SPATA16: variants seen among roughly 807,000 people sequenced by gnomAD.
The protein encoded by SPATA16 is spermatogenesis associated 16.
In SPATA16, 36 loss-of-function variants were observed where a neutral mutation model predicts 63.3. That is an observed-to-expected ratio of 0.57 (90% CI 0.44 to 0.75). The LOEUF is 0.75. SPATA16 is among the 30% of genes least tolerant of loss of function. SPATA16 has a pLI of 0.00. For synonymous variants in SPATA16, 203 were observed against 216.7 expected (o/e 0.94, Z 0.56); for missense variants, 646 against 679.3 (o/e 0.95, Z 0.54).
At chr3:172,964,303 A>G (rs1733857574) in intron 5 of SPATA16, among the ~76,000 whole-genome samples, 2 of 152,216 alleles carry the variant, frequency 1.3e-5, no homozygotes, top group Admixed American at 6.5e-5. Context: ...GGCAAAACAT[A>G]TATAACTTAT....
intron 4 of SPATA16, among the ~76,000 whole-genome samples, chr3:172,988,863 C>T (rs181896363): frequency 1.6e-3 from 242 of 152,282 alleles, no homozygotes; most frequent in Middle Eastern, 3.4e-3. Context: ...GTCTCGAACT[C>T]CTGACCCCAG....
intron 3 of SPATA16, among the ~76,000 whole-genome samples, chr3:173,021,140 G>A (rs376696367): frequency 6.6e-6 from 1 of 152,182 alleles, no homozygotes; most frequent in African/African-American, 2.4e-5. Flanking sequence ...TGTCTGGCCT[G>A]TGGATAATCA....
At chr3:172,962,786 G>A (rs1733819815) in intron 5 of SPATA16, among the ~76,000 whole-genome samples, 3 of 151,978 alleles carry the variant, frequency 2.0e-5, no homozygotes, top group Non-Finnish European at 4.4e-5. Context: ...TACCTTTAGT[G>A]TTTAATGGCT....
chr3:172,997,336 T>A (rs2108264150), intron 4 of SPATA16, among the ~76,000 whole-genome samples: 1 of 152,324 alleles, frequency 6.6e-6, no homozygotes, highest in Non-Finnish European at 1.5e-5. Context: ...TATCTCATTA[T>A]TGTTTTAATT....
At chr3:172,993,383 A>G (rs574971450) in intron 4 of SPATA16, among the ~76,000 whole-genome samples, 1 of 152,246 alleles carries the variant, frequency 6.6e-6, no homozygotes, top group South Asian at 2.1e-4. Flanking sequence ...TCCTTGATCA[A>G]TGGCAAATAA....
At position 173,028,005 on chromosome 3, in the gene SPATA16, CCCTCCCTCCCTTCCTTCTTTCCTTCCTT is replaced by C. The variant is rs1211413531; in HGVS notation, c.759-8458_759-8431del. ...TCCCTCCCTCCCTCCCTCCCTCCCT[CCCTCCCTCCCTTCCTTCTTTCCTTCCTT>C]CCTTCCTTCCTTCCTTCCTTCCTTC... On this transcript the variant is annotated intron_variant, in intron 3 of 10. Transcript: ENST00000351008. Among the ~76,000 whole-genome samples the C allele has an allele frequency of 3.2e-3, 189 of 58,420 alleles. 8 individuals are homozygous for C. Among genetic ancestry groups the C allele is most frequent in the African/African-American group, 0.017 (186 of 11,100 alleles). 38.3% of individuals were successfully genotyped at this position (58,420 alleles called of 152,430 possible). A position where few individuals can be genotyped will look rare whatever the true frequency, so the allele number is the denominator to read the frequency against.
intron 4 of SPATA16, among the ~76,000 whole-genome samples, chr3:172,999,751 GT>G (rs1010283056): frequency 1.3e-5 from 2 of 152,038 alleles, no homozygotes; most frequent in African/African-American, 4.8e-5. Flanking sequence ...AAGAATCTTT[GT>G]TTTTCCTACC....
At chr3:172,981,449 C>A (rs1734317184) in intron 4 of SPATA16, among the ~76,000 whole-genome samples, 1 of 152,188 alleles carries the variant, frequency 6.6e-6, no homozygotes, top group African/African-American at 2.4e-5. Context: ...TCTCTGACCT[C>A]ATTTTCAACT....
intron 4 of SPATA16, among the ~76,000 whole-genome samples, chr3:172,978,662 A>G (rs1470881834): frequency 6.6e-6 from 1 of 152,184 alleles, no homozygotes; most frequent in Non-Finnish European, 1.5e-5. Flanking sequence ...TTCAACAAAC[A>G]TTGCTTAAGA....
chr3:172,951,651 G>A (rs1733437048), intron 6 of SPATA16, among the ~76,000 whole-genome samples: 2 of 152,146 alleles, frequency 1.3e-5, no homozygotes, highest in Admixed American at 1.3e-4. Flanking sequence ...GACCTCCATT[G>A]TGAATACTCT....
intron 10 of SPATA16, among the ~76,000 whole-genome samples, chr3:172,897,023 A>C (rs1384238822): frequency 6.6e-6 from 1 of 152,080 alleles, no homozygotes; most frequent in Non-Finnish European, 1.5e-5. Context: ...ATAGACCAAA[A>C]TCCTGTAGAT....
chr3:173,117,002 A>T, intron 2 of SPATA16, 118 bp downstream of exon 2: 3 of 1,047,416 alleles, frequency 2.9e-6, no homozygotes, highest in Non-Finnish European at 4.4e-6. Context: ...TAATATCATT[A>T]CATATCCTCA....
intron 3 of SPATA16, among the ~76,000 whole-genome samples, chr3:173,040,118 T>G (rs745310460): frequency 1.3e-5 from 2 of 152,104 alleles, no homozygotes; most frequent in Admixed American, 6.6e-5. Context: ...CTTCTCTTCT[T>G]CCTCCTCCTT....
chr3:173,129,229 G>A (rs1212997115), intron 1 of SPATA16, among the ~76,000 whole-genome samples: 4 of 152,140 alleles, frequency 2.6e-5, no homozygotes, highest in Admixed American at 1.3e-4. Flanking sequence ...ATTTTTCTTG[G>A]GAGGACGTTC....
At chr3:173,127,561 G>A (rs987784226) in intron 1 of SPATA16, among the ~76,000 whole-genome samples, 1 of 152,112 alleles carries the variant, frequency 6.6e-6, no homozygotes, top group East Asian at 1.9e-4. Flanking sequence ...ATTTTGAAGA[G>A]TACAAGCCAG....
intron 2 of SPATA16, among the ~76,000 whole-genome samples, chr3:173,051,225 C>G (rs1736082274): frequency 1.3e-5 from 2 of 152,224 alleles, no homozygotes; most frequent in Admixed American, 6.5e-5. Context: ...TCTTTTAAGA[C>G]AGAGTCTGGC....
chr3:172,911,856 C>A (rs1420321978), intron 10 of SPATA16, among the ~76,000 whole-genome samples: 1 of 152,218 alleles, frequency 6.6e-6, no homozygotes, highest in Admixed American at 6.5e-5. Flanking sequence ...CAACCCTAAA[C>A]CAAGACACCA....
At chr3:173,025,465 TTG>T (rs1447144111) in intron 3 of SPATA16, among the ~76,000 whole-genome samples, 5 of 151,928 alleles carry the variant, frequency 3.3e-5, no homozygotes, top group Non-Finnish European at 5.9e-5. Flanking sequence ...GTCAGTTTTA[TTG>T]AGTTATAATT....
At position 172,972,063 on chromosome 3, in the gene SPATA16, T is replaced by C. The variant is rs562400368; in HGVS notation, c.933+4905A>G. ...AGCTCCCAGTTTTGTCCCTTGAGAG[T>C]AGGACTAATCACACCAAAGAGATAT... On this transcript the variant is annotated intron_variant, in intron 5 of 10. Transcript: ENST00000351008. Among the ~76,000 whole-genome samples, 4 of 152,218 alleles carry C rather than the reference T, an allele frequency of 2.6e-5. No homozygotes were observed. The South Asian group carries it at 8.3e-4, about 32-fold the overall frequency.
Sources: gnomAD v4.1 joint callset for allele counts (sites outside exome capture counted in the v4.1 genomes callset) on GRCh38, gnomAD v4.1.1 for gene constraint, MANE v1.5 for transcripts, NCBI Gene and HGNC (gene_info 2026-07-23, HGNC 2026-07-21) for gene names.